The following ZNF385D variants were observed in gnomAD, a reference collection of about 807,000 sequenced individuals.
ZNF385D encodes the protein zinc finger protein 659.
In ZNF385D, 15 loss-of-function variants were observed where a neutral mutation model predicts 35.8. The ratio of observed to expected loss-of-function variants is 0.42; its 90% CI spans 0.28 to 0.64. The LOEUF (loss-of-function observed/expected upper bound fraction) is 0.64, where lower values mean the gene tolerates loss of function less well. Ranked by LOEUF, ZNF385D falls within the 30% of genes least tolerant of loss-of-function variation. ZNF385D has a pLI of 0.23. For synonymous variants in ZNF385D, 212 were observed against 186.8 expected (o/e 1.13, Z -1.10); for missense variants, 474 against 494.6 (o/e 0.96, Z 0.39).
At chr3:21,956,064 A>G (rs116179251) in intron 3 of ZNF385D, among the ~76,000 whole-genome samples, 4 of 152,054 alleles carry the variant, frequency 2.6e-5, no homozygotes, top group Non-Finnish European at 5.9e-5. Context: ...GCACATGCCC[A>G]TAGTCCCAGT....
intron 2 of ZNF385D, among the ~76,000 whole-genome samples, chr3:22,259,700 A>G (rs1206342276): frequency 1.3e-5 from 2 of 152,014 alleles, no homozygotes; most frequent in African/African-American, 4.8e-5. Flanking sequence ...TAGGAAAAAA[A>G]CTATGAGCAC....
chr3:21,924,508 C>T (rs982941762), intron 3 of ZNF385D, among the ~76,000 whole-genome samples: 2 of 152,148 alleles, frequency 1.3e-5, no homozygotes, highest in African/African-American at 2.4e-5. Context: ...GAAACACCCT[C>T]AAAAAATTGT....
intron 2 of ZNF385D, among the ~76,000 whole-genome samples, chr3:22,184,086 C>T (rs1054705683): frequency 2.0e-5 from 3 of 152,190 alleles, no homozygotes; most frequent in East Asian, 1.9e-4. Flanking sequence ...AATTTACTTA[C>T]AGTAGTGGTA....
intron 3 of ZNF385D, among the ~76,000 whole-genome samples, chr3:21,893,082 G>T (rs1172496525): frequency 1.3e-5 from 2 of 152,134 alleles, no homozygotes; most frequent in African/African-American, 4.8e-5. Context: ...CCTGAATGGT[G>T]GCTGTAACAC....
At chr3:22,324,359 G>C (rs1485735007) in intron 2 of ZNF385D, among the ~76,000 whole-genome samples, 1 of 152,076 alleles carries the variant, frequency 6.6e-6, no homozygotes, top group South Asian at 2.1e-4. Context: ...ATCTACTAGA[G>C]CTAGTAAGAT....
intron 2 of ZNF385D, among the ~76,000 whole-genome samples, chr3:22,263,687 A>G (rs1700748684): frequency 6.6e-6 from 1 of 152,028 alleles, no homozygotes; most frequent in Admixed American, 6.6e-5. Context: ...TGAACAAATG[A>G]ATAAGAATTG....
chr3:21,757,919 T>G (rs1198783643), intron 3 of ZNF385D, among the ~76,000 whole-genome samples: 1 of 152,170 alleles, frequency 6.6e-6, no homozygotes, highest in East Asian at 1.9e-4. Flanking sequence ...TAAATATATG[T>G]TGAGTGAATA....
intron 3 of ZNF385D, among the ~76,000 whole-genome samples, chr3:22,102,598 G>A (rs569259511): frequency 8.1e-4 from 123 of 152,102 alleles, no homozygotes; most frequent in African/African-American, 2.8e-3. Flanking sequence ...GGCCAAATGA[G>A]GCATAGGCAG....
At chr3:22,327,062 A>G (rs1694710043) in intron 2 of ZNF385D, among the ~76,000 whole-genome samples, 1 of 152,240 alleles carries the variant, frequency 6.6e-6, no homozygotes, top group Non-Finnish European at 1.5e-5. Context: ...TTTGAAATCT[A>G]TTAAGTACCT....
intron 3 of ZNF385D, among the ~76,000 whole-genome samples, chr3:22,093,192 T>C (rs1361801924): frequency 6.6e-6 from 1 of 152,094 alleles, no homozygotes; most frequent in Non-Finnish European, 1.5e-5. Context: ...TGTGTCTAAA[T>C]CACTTAGTTT....
At chr3:22,253,879 A>G (rs1046401287) in intron 2 of ZNF385D, among the ~76,000 whole-genome samples, 6 of 151,978 alleles carry the variant, frequency 3.9e-5, no homozygotes, top group African/African-American at 1.4e-4. Flanking sequence ...AATCCATGGG[A>G]AAATAAAGTA....
intron 3 of ZNF385D, among the ~76,000 whole-genome samples, chr3:22,047,625 C>T (rs911877511): frequency 4.6e-5 from 7 of 152,022 alleles, no homozygotes; most frequent in African/African-American, 1.7e-4. Context: ...TAAATATACA[C>T]ATTTTCTTTA....
intron 3 of ZNF385D, among the ~76,000 whole-genome samples, chr3:21,827,977 A>G (rs1694754876): frequency 6.6e-6 from 1 of 152,204 alleles, no homozygotes; most frequent in Non-Finnish European, 1.5e-5. Flanking sequence ...ACTATGAGTC[A>G]GTTGTGTTGG....
At chr3:22,091,108 G>T (rs1367663167) in intron 3 of ZNF385D, among the ~76,000 whole-genome samples, 1 of 152,132 alleles carries the variant, frequency 6.6e-6, no homozygotes, top group African/African-American at 2.4e-5. Flanking sequence ...TGAATTCCTT[G>T]ATATAGGAAA....
intron 1 of ZNF385D, among the ~76,000 whole-genome samples, chr3:21,740,416 G>A (rs1231669520): frequency 6.6e-6 from 1 of 152,084 alleles, no homozygotes; most frequent in Admixed American, 6.6e-5. Flanking sequence ...CAGGTAATTT[G>A]TACAAACACT....
rs567435142 is a variant in ZNF385D at position 21,811,649 on chromosome 3, A to T, written c.326-146621T>A. 1.4e-3 allele frequency among the ~76,000 whole-genome samples: 212 copies of T among 152,326 alleles called. 1 individual carries two copies. The highest frequency in any genetic ancestry group is 4.9e-3 in the African/African-American group (203 of 41,576). ...AAAGCAGCTAGCATTTATTTATCCTATACTGTATAAACTGTATAGTTTACA... is the reference window on the plus strand; with the variant it reads ...AAAGCAGCTAGCATTTATTTATCCTTTACTGTATAAACTGTATAGTTTACA... On this transcript the variant is annotated intron_variant, in intron 3 of 5. Coordinates refer to the ZNF385D transcript ENST00000494108.
In ZNF385D at chr3:21,461,549, AAAAC is replaced by A. The variant is rs563136778; in HGVS notation, c.440-24350_440-24347del. ...GGCAATGGAGCTAGACTCTATCTCA[AAAAC>A]AAACAAACAAACAAACAAACAAATC... On this transcript the variant is annotated intron_variant, in intron 4 of 7. Transcript: ENST00000281523. 1.2e-3 allele frequency among the ~76,000 whole-genome samples: 175 copies of A among 151,256 alleles called. 1 individual carries two copies. The highest frequency in any genetic ancestry group is 3.7e-3 in the African/African-American group (150 of 40,570).
At chr3:21,425,873 A>T (rs1449422106) in intron 5 of ZNF385D, among the ~76,000 whole-genome samples, 1 of 152,226 alleles carries the variant, frequency 6.6e-6, no homozygotes, top group African/African-American at 2.4e-5. Context: ...GACTGTAACA[A>T]TGTGCTTTCA....
At chr3:21,899,570 C>T (rs1424232073) in intron 3 of ZNF385D, among the ~76,000 whole-genome samples, 2 of 152,102 alleles carry the variant, frequency 1.3e-5, no homozygotes, top group African/African-American at 4.8e-5. Context: ...TCTCCAGAAC[C>T]ACTGTTAGAT....
Sources: allele counts gnomAD v4.1 joint callset (sites outside exome capture counted in the v4.1 genomes callset), GRCh38; gene constraint gnomAD v4.1.1; transcripts MANE v1.5; gene names NCBI Gene and HGNC (gene_info 2026-07-23, HGNC 2026-07-21).